Variants in GRAMD4 observed in about 807,000 individuals in gnomAD.
GRAMD4 encodes GRAM domain containing 4.
A neutral mutation model predicts 83.9 loss-of-function variants in GRAMD4; 25 were observed. That is an observed-to-expected ratio of 0.30 (90% CI 0.22 to 0.42). The LOEUF (loss-of-function observed/expected upper bound fraction) is 0.42. Among genes scored for constraint, GRAMD4 ranks in the 10% least tolerant of loss-of-function variants. GRAMD4 has a pLI of 1.00. For missense variants in GRAMD4, 593 were observed against 788.7 expected (o/e 0.75, Z 2.97); for synonymous variants, 336 against 320.9 (o/e 1.05, Z -0.50).
At chr22:46,656,054 C>T (rs940714904) in intron 3 of GRAMD4, among the ~76,000 whole-genome samples, 1 of 152,164 alleles carries the variant, frequency 6.6e-6, no homozygotes, top group African/African-American at 2.4e-5. Flanking sequence ...CAGTGCCCCC[C>T]ACCCCAGCCT....
intron 2 of GRAMD4, among the ~76,000 whole-genome samples, chr22:46,630,849 GGTGTGCCCTCC>G (rs2081760674): frequency 2.0e-5 from 3 of 151,790 alleles, no homozygotes; most frequent in Middle Eastern, 3.2e-3. Flanking sequence ...GCAGCTGTGC[GGTGTGCCCTCC>G]ATAGCCCCCC....
At chr22:46,630,954 G>T (rs996160580) in intron 2 of GRAMD4, among the ~76,000 whole-genome samples, 2 of 142,176 alleles carry the variant, frequency 1.4e-5, no homozygotes, top group African/African-American at 5.1e-5. Context: ...CCCGGCCTCT[G>T]CAGTGTGCCC....
At chr22:46,640,921 C>T (rs1003955138) in intron 3 of GRAMD4, among the ~76,000 whole-genome samples, 1 of 142,618 alleles carries the variant, frequency 7.0e-6, no homozygotes, top group African/African-American at 2.6e-5. Context: ...GTTTTAAAAA[C>T]AAAAGCCACG....
rs1303335382 is a variant in GRAMD4 at position 46,679,446 on chromosome 22, G to A, written c.*2195G>A. 39 of 985,544 alleles carry A rather than the reference G, an allele frequency of 4.0e-5. No individual in the cohort carries two copies. The highest frequency in any genetic ancestry group is 4.7e-5 in the Non-Finnish European group (39 of 829,938). The allele number at this position is 985,544 out of a possible 1,614,324, so 61.0% of individuals were successfully genotyped here. On this transcript the variant is annotated 3_prime_UTR_variant, in exon 19 of 19. Transcript: ENST00000406902. ...CACAGGCCCCTCCCTGGAAGTCCTC[G>A]GGAGCGGAGCGCGGATCGGCACGGG...
At chr22:46,613,771 C>G (rs1400887405) in intron 1 of GRAMD4, among the ~76,000 whole-genome samples, 1 of 152,254 alleles carries the variant, frequency 6.6e-6, no homozygotes, top group Non-Finnish European at 1.5e-5. Flanking sequence ...TACACACCCC[C>G]TCCTGCCCTG....
At chr22:46,666,718 G>A in intron 9 of GRAMD4, 107 bp from the exon 10 acceptor site, 1 of 925,652 alleles carries the variant, frequency 1.1e-6, no homozygotes, top group Non-Finnish European at 1.8e-6. Context: ...GAAGGACCTA[G>A]AAGGGCCCCC....
At chr22:46,639,320 G>GTGTGTGTGCACGTGTGTGGTGGTTAACCC (rs2081939707) in intron 3 of GRAMD4, among the ~76,000 whole-genome samples, 1 of 134,578 alleles carries the variant, frequency 7.4e-6, no homozygotes, top group African/African-American at 2.8e-5. Flanking sequence ...TTAACCCTGT[G>GTGTGTGTGCACGTGTGTGGTGGTTAACCC]TGTGTGTGCA....
intron 13 of GRAMD4, among the ~76,000 whole-genome samples, chr22:46,671,905 G>C (rs1479536690): frequency 6.6e-6 from 1 of 152,222 alleles, no homozygotes; most frequent in Non-Finnish European, 1.5e-5. Flanking sequence ...CTGTGAAAAT[G>C]TCCTACAAAG....
At position 46,622,371 on chromosome 22, in the gene GRAMD4, G is replaced by A. The variant is rs941018447; in HGVS notation, c.-50+1806G>A. On this transcript the variant is annotated intron_variant, in intron 1 of 18. Transcript: ENST00000406902. This position sits in a 1 kb window ranked among gnomAD's most constrained non-coding sequence, Gnocchi z 4.0. The stretch of plus-strand genomic sequence containing the variant: ...CCCCTCCGCTTCCCTCTCAGCTGCC[G>A]CAACCAGGAGGACTCGCCGGGTTTT... Among the ~76,000 whole-genome samples, 1 of 152,170 alleles carries A rather than the reference G, an allele frequency of 6.6e-6. No homozygotes were observed. Among genetic ancestry groups the A allele is most frequent in the African/African-American group, 2.4e-5 (1 of 41,438 alleles).
At chr22:46,616,094 G>A (rs1482103778), upstream of GRAMD4, among the ~76,000 whole-genome samples, 1 of 141,014 alleles carries the variant, frequency 7.1e-6, no homozygotes, top group African/African-American at 2.7e-5. Flanking sequence ...AAGCGTGTAG[G>A]TTCCCCCTTG....
Position 46,622,376 on chromosome 22 carries a change from C to T in GRAMD4, c.-50+1811C>T, listed in dbSNP as rs1387544102. Among the ~76,000 whole-genome samples the T allele has an allele frequency of 6.6e-6, 1 of 152,210 alleles. No individual in the cohort carries two copies. The highest frequency in any genetic ancestry group is 1.5e-5 in the Non-Finnish European group (1 of 68,032). ...CCGCTTCCCTCTCAGCTGCCGCAAC[C>T]AGGAGGACTCGCCGGGTTTTTGAAA... On this transcript the variant is annotated intron_variant, in intron 1 of 18. Transcript: ENST00000406902. The surrounding 1 kb of genome is among the most constrained non-coding windows in gnomAD (Gnocchi z 4.0).
rs2081588901 is a variant in GRAMD4 at position 46,622,431 on chromosome 22, A to G, written c.-50+1866A>G. Among the ~76,000 whole-genome samples the G allele has an allele frequency of 6.6e-6, 1 of 152,146 alleles. No homozygotes were observed. Among genetic ancestry groups the G allele is most frequent in the African/African-American group, 2.4e-5 (1 of 41,426 alleles). On this transcript the variant is annotated intron_variant, in intron 1 of 18. Coordinates refer to ENST00000406902, the MANE Select transcript of GRAMD4 (RefSeq NM_015124.5). The surrounding 1 kb of genome is among the most constrained non-coding windows in gnomAD (Gnocchi z 4.0). The stretch of plus-strand genomic sequence containing the variant: ...AAGGAAGTAGGTTTTACATTGCTAC[A>G]CTTCCCCTAGCCCGTTCATCCTTCC...
chr22:46,604,150 C>G (rs1287863294), intron 1 of GRAMD4, among the ~76,000 whole-genome samples: 1 of 152,168 alleles, frequency 6.6e-6, no homozygotes, highest in Non-Finnish European at 1.5e-5. Flanking sequence ...CGTTAACATG[C>G]TTTGAACTCC....
chr22:46,664,154 G>A, intron 8 of GRAMD4, 37 bp downstream of exon 8: 1 of 1,416,764 alleles, frequency 7.1e-7, no homozygotes, highest in Non-Finnish European at 1.0e-6. Context: ...AGGGTGGGTG[G>A]GATGTGCCTG....
At position 46,661,566 on chromosome 22, in the gene GRAMD4, G is replaced by A. The variant is rs540520028; in HGVS notation, c.466+124G>A. The A allele has an allele frequency of 2.9e-4, 203 of 706,336 alleles. 3 individuals carry two copies. The highest frequency in any genetic ancestry group is 2.7e-3 in the South Asian group (168 of 61,688). 43.8% of individuals were successfully genotyped at this position (706,336 alleles called of 1,614,324 possible). A position where few individuals can be genotyped will look rare whatever the true frequency, so the allele number is the denominator to read the frequency against. On this transcript the variant is annotated intron_variant, in intron 5 of 18. Transcript: ENST00000406902. ...CCCCTCCCCCAGCAGGTGGGCAGGC[G>A]GCAGGTGCTGGTTCTGTGCCCAGGC...
At chr22:46,675,908 G>A (rs5769067) in intron 17 of GRAMD4, among the ~76,000 whole-genome samples, 1 of 152,352 alleles carries the variant, frequency 6.6e-6, no homozygotes, top group South Asian at 2.1e-4. Context: ...CAGGTTTTCA[G>A]GTGGGAGCTC....
chr22:46,637,401 C>T (rs1351343726), intron 2 of GRAMD4, among the ~76,000 whole-genome samples: 1 of 152,022 alleles, frequency 6.6e-6, no homozygotes, highest in Admixed American at 6.6e-5. Flanking sequence ...TACAGGTGCC[C>T]GCCACTGCGC....
chr22:46,669,662 G>A (rs1161229091), intron 13 of GRAMD4, among the ~76,000 whole-genome samples: 6 of 149,516 alleles, frequency 4.0e-5, no homozygotes, highest in South Asian at 2.1e-4. Flanking sequence ...TGCAACCTCC[G>A]CCTCCCGGGT....
intron 9 of GRAMD4, 57 bp from the exon 10 acceptor site, chr22:46,666,768 C>A (rs2082415309): frequency 1.5e-5 from 22 of 1,454,876 alleles, no homozygotes; most frequent in Non-Finnish European, 2.1e-5. Context: ...CGATTCGATG[C>A]CTTCCCCTGA....
Sources: allele counts gnomAD v4.1 joint callset (sites outside exome capture counted in the v4.1 genomes callset), GRCh38; gene constraint gnomAD v4.1.1; non-coding constraint Gnocchi (gnomAD v3.1); transcripts MANE v1.5; gene names NCBI Gene and HGNC (gene_info 2026-07-23, HGNC 2026-07-21).